Variants in TRPV6 observed in about 807,000 individuals in gnomAD.
The protein encoded by TRPV6 is Alu-binding protein with zinc finger domain.
A neutral mutation model predicts 79.0 loss-of-function variants in TRPV6; 39 were observed. That is an observed-to-expected ratio of 0.49 (90% CI 0.38 to 0.64). TRPV6 has a LOEUF of 0.64. Among genes scored for constraint, TRPV6 ranks in the 30% least tolerant of loss-of-function variants. The probability of loss-of-function intolerance (pLI) is 0.00; values close to 1 mark genes in which losing one functional copy is unlikely to be tolerated. For synonymous variants in TRPV6, 373 were observed against 391.9 expected (o/e 0.95, Z 0.57); for missense variants, 813 against 1,011.1 (o/e 0.80, Z 2.66).
chr7:142,872,075 C>T, intron 14 of TRPV6, 86 bp from the exon 15 acceptor site: 1 of 1,487,630 alleles, frequency 6.7e-7, no homozygotes, highest in Non-Finnish European at 9.0e-7. Context: ...CCCTGGTCCT[C>T]CCATCCCCGC....
In TRPV6 at chr7:142,873,309, C is replaced by T. The variant is rs1159523692; in HGVS notation, c.1908+139G>A. The T allele has an allele frequency of 1.7e-6, 2 of 1,200,096 alleles. No individual in the cohort carries two copies. The highest frequency in any genetic ancestry group is 1.2e-6 in the Non-Finnish European group (1 of 844,500). 74.3% of individuals were successfully genotyped at this position (1,200,096 alleles called of 1,614,324 possible). A position where few individuals can be genotyped will look rare whatever the true frequency, so the allele number is the denominator to read the frequency against. On this transcript the variant is annotated intron_variant, in intron 13 of 14. Coordinates refer to ENST00000359396, the MANE Select transcript of TRPV6 (RefSeq NM_018646.6). This position sits in a 1 kb window ranked among gnomAD's most constrained non-coding sequence, Gnocchi z 4.8. ...TGAATTGCTAATCAGTGCTTCTGTA[C>T]ATTTTGCATGATTTTGCTAGCTTTG... is the stretch of plus-strand genomic sequence containing the variant.
In TRPV6 at chr7:142,875,818, G is replaced by C. The variant is rs147743048; in HGVS notation, c.969C>G (p.Ile323Met). Residue 323 changes from isoleucine (I) to methionine (M), a missense_variant, in exon 7 of 15, where the codon ATC (isoleucine) becomes ATG (methionine). This residue lies in a region of TRPV6 where 555 missense variants were observed against 631.0 expected (regional missense o/e 0.88). Transcript: ENST00000359396. ...GGGACTGCTCATCCCCTGAGGAGTC[G>C]ATCTCTGTGAGGTCATAGAGAGTCG... 9 of 1,612,128 alleles carry C rather than the reference G, an allele frequency of 5.6e-6. No homozygotes were observed. In the South Asian group the frequency reaches 7.7e-5, roughly 14 times the overall value.
At position 142,873,078 on chromosome 7, in the gene TRPV6, C is replaced by T. The variant is rs1309080535; in HGVS notation, c.1908+370G>A. Among the ~76,000 whole-genome samples, 1 of 152,166 alleles carries T rather than the reference C, an allele frequency of 6.6e-6. No individual in the cohort carries two copies. The highest frequency in any genetic ancestry group is 2.4e-5 in the African/African-American group (1 of 41,420). On this transcript the variant is annotated intron_variant, in intron 13 of 14. Transcript: ENST00000359396. The surrounding 1 kb of genome is among the most constrained non-coding windows in gnomAD (Gnocchi z 4.8). Reference sequence around the variant, plus strand: ...TTACTTTTTTAACACATCCTGCTTTCCATATCAAATTTTGCAGACTTAAAT... The same window carrying T: ...TTACTTTTTTAACACATCCTGCTTTTCATATCAAATTTTGCAGACTTAAAT...
chr7:142,878,348 A>C, intron 1 of TRPV6: 1 of 386,654 alleles, frequency 2.6e-6, no homozygotes, highest in Non-Finnish European at 4.9e-6. Context: ...GAGGAGTTCT[A>C]TGTAGACATG....
chr7:142,874,751 A>T, intron 10 of TRPV6, 95 bp from the exon 11 acceptor site: 2 of 1,558,356 alleles, frequency 1.3e-6, no homozygotes, highest in Non-Finnish European at 1.8e-6. Context: ...CCACACATGC[A>T]GATTCAGCCT....
At position 142,875,787 on chromosome 7, in the gene TRPV6, C is replaced by G. The variant is rs766425200; in HGVS notation, c.1000G>C (p.Glu334Gln). ...CGCTTCTTGGTGGTGATGATAAGTT[C>G]CAGCAGGGACTGCTCATCCCCTGAG... is the stretch of plus-strand genomic sequence containing the variant. The change falls in exon 7 of 15, where the codon GAA (glutamate) becomes CAA (glutamine). Residue 334 changes from glutamate (E) to glutamine (Q), a missense_variant. Glu to Gln is a conservative substitution (Grantham distance 29). Coordinates refer to ENST00000359396, the MANE Select transcript of TRPV6 (RefSeq NM_018646.6). 6.2e-7 allele frequency: 1 copy of G among 1,609,142 alleles called. No individual in the cohort carries two copies. The highest frequency in any genetic ancestry group is 8.5e-7 in the Non-Finnish European group (1 of 1,177,326).
At position 142,877,944 on chromosome 7, in the gene TRPV6, T is replaced by C. The variant is rs1431575800; in HGVS notation, c.331A>G (p.Lys111Glu). 2 of 1,614,202 alleles carry C rather than the reference T, an allele frequency of 1.2e-6. No individual in the cohort carries two copies. The highest frequency in any genetic ancestry group is 2.2e-5 in the South Asian group (2 of 91,084). ...TGCTTCTTACCTCTCTGGTGCACCT[T>C]GCAATCCTCATACTTGAGCAACTTG... Residue 111 changes from lysine (K) to glutamate (E), a missense_variant, in exon 2 of 15, where the codon AAG becomes GAG. By Grantham distance (56) the Lys-to-Glu change is moderately conservative (BLOSUM62 1). Around this residue, in one of 3 missense-constraint regions of TRPV6, gnomAD observed 555 missense variants for 631.0 expected, o/e 0.88. Transcript: ENST00000359396.
At chr7:142,876,386 A>G (rs772027450) in intron 6 of TRPV6, 22 bp downstream of exon 6, 2 of 1,608,682 alleles carry the variant, frequency 1.2e-6, no homozygotes, top group South Asian at 2.2e-5. Flanking sequence ...AAGACACCTC[A>G]GGGATGGGGA....
In TRPV6 at chr7:142,873,652, C is replaced by T. The variant is rs200574023; in HGVS notation, c.1704G>A (p.Met568Ile). 6 of 1,614,174 alleles carry T rather than the reference C, an allele frequency of 3.7e-6. No individual in the cohort carries two copies. The African/African-American group carries it at 5.3e-5, about 14-fold the overall frequency. ...ACAGCTCGAAGGTGCTGAACAGGGC[C>T]ATGGGGTAGTCGTAGAAGTGGCCTA... The change falls in exon 13 of 15, where the codon ATG (methionine) becomes ATA (isoleucine). Residue 568 changes from methionine (M) to isoleucine (I), a missense_variant. Around this residue, in one of 3 missense-constraint regions of TRPV6, gnomAD observed 94 missense variants for 194.0 expected, o/e 0.48. Coordinates refer to ENST00000359396, the MANE Select transcript of TRPV6 (RefSeq NM_018646.6). This position sits in a 1 kb window ranked among gnomAD's most constrained non-coding sequence, Gnocchi z 4.8.
intron 1 of TRPV6, 123 bp downstream of exon 1, chr7:142,885,266 G>A (rs564629290): frequency 2.3e-4 from 287 of 1,221,374 alleles, no homozygotes; most frequent in Admixed American, 1.1e-3. Flanking sequence ...GAGCCAGTCC[G>A]GGCCTGGGAG....
chr7:142,871,965 G>A lies in TRPV6; in HGVS notation c.2040C>T (p.Asn680=). Residue 680 remains asparagine, a synonymous_variant, in exon 15 of 15, where the codon AAC becomes AAT. Coordinates refer to ENST00000359396, the MANE Select transcript of TRPV6 (RefSeq NM_018646.6). ...GTGCGTAGCGTTGGATCCGCTGCCGGTTGAGATCTTGCCTGTCTTCCACCC... is the reference window on the plus strand; with the variant it reads ...GTGCGTAGCGTTGGATCCGCTGCCGATTGAGATCTTGCCTGTCTTCCACCC... 1 of 1,603,950 alleles carries A rather than the reference G, an allele frequency of 6.2e-7. No homozygotes were observed. The highest frequency in any genetic ancestry group is 8.5e-7 in the Non-Finnish European group (1 of 1,174,030).
At chr7:142,877,554 A>G in intron 3 of TRPV6, 97 bp downstream of exon 3, 4 of 1,537,622 alleles carry the variant, frequency 2.6e-6, no homozygotes, top group Non-Finnish European at 3.5e-6. Flanking sequence ...GGAGGCTCAG[A>G]TCCCCTGTGT....
At chr7:142,882,254 A>T (rs1308966714) in intron 1 of TRPV6, 1 of 152,250 alleles carries the variant, frequency 6.6e-6, no homozygotes, top group African/African-American at 2.4e-5. Flanking sequence ...GGGGAAGTTC[A>T]TGGCCCCTCT....
Position 142,873,448 on chromosome 7 carries a change from C to G in TRPV6, c.1908G>C (p.Gln636His). 6.2e-7 allele frequency: 1 copy of G among 1,613,762 alleles called. No individual in the cohort carries two copies. Among genetic ancestry groups the G allele is most frequent in the South Asian group, 1.1e-5 (1 of 91,074 alleles). Residue 636 changes from glutamine (Q) to histidine (H), a missense_variant and splice_region_variant, in exon 13 of 15, where the codon CAG becomes CAC. By Grantham distance (24) the Gln-to-His change is conservative. Around this residue, in one of 3 missense-constraint regions of TRPV6, gnomAD observed 164 missense variants for 186.1 expected, o/e 0.88. Transcript: ENST00000359396. The surrounding 1 kb of genome is among the most constrained non-coding windows in gnomAD (Gnocchi z 4.8). ...CCCTCCCTGCCACCAGGGGGCTCAC[C>G]TGGGCCCTCCACAGCTCATCCCGCT...
At chr7:142,885,246 T>C in intron 1 of TRPV6, 143 bp downstream of exon 1, 1 of 949,060 alleles carries the variant, frequency 1.1e-6, no homozygotes, top group Non-Finnish European at 1.5e-6. Flanking sequence ...TAAGACAGAA[T>C]GCTCCCAAGG....
At chr7:142,878,632 T>G (rs754849132) in intron 1 of TRPV6, 1 of 153,860 alleles carries the variant, frequency 6.5e-6, no homozygotes, top group Non-Finnish European at 1.4e-5. Flanking sequence ...AAAAGAACAG[T>G]GGACCATAAG....
chr7:142,874,636 A>G lies in TRPV6; in HGVS notation c.1427T>C (p.Val476Ala). 6.2e-7 allele frequency: 1 copy of G among 1,613,994 alleles called. No homozygotes were observed. The highest frequency in any genetic ancestry group is 8.5e-7 in the Non-Finnish European group (1 of 1,179,944). Residue 476 changes from valine to alanine, a missense_variant, in exon 11 of 15, where the codon GTG (valine) becomes GCG (alanine). Physicochemically the swap from Val to Ala is moderately conservative, Grantham distance 64. Transcript: ENST00000359396. ...GAGCCGCATCACCATGGTCACCAGC[A>G]CCATGAAGGCATAGGTGATGCTGGG... is the stretch of plus-strand genomic sequence containing the variant.
In TRPV6 at chr7:142,875,495, G is replaced by A. The variant is rs1485430051; in HGVS notation, c.1215C>T (p.Asn405=). 6.3e-7 allele frequency: 1 copy of A among 1,596,554 alleles called. No homozygotes were observed. The highest frequency in any genetic ancestry group is 1.7e-5 in the Admixed American group (1 of 59,190). Residue 405 remains asparagine (N), a synonymous_variant, in exon 8 of 15, where the codon AAC becomes AAT. Transcript: ENST00000359396. The stretch of plus-strand genomic sequence containing the variant: ...GAAGTAGCTTCTGCTGTAAGAGGGT[G>A]TTGTCCCGGGGGCTCGTGCGGTTAT...
In TRPV6 at chr7:142,874,961, A is replaced by AT; in HGVS notation, c.1348dup (p.Met450AsnfsTer179). ...CTGTCCAAAGAAGCGAGTGACCCCCATTCTGAAGATGTCTGGAACCTGAAG... is the reference window on the plus strand; with the variant it reads ...CTGTCCAAAGAAGCGAGTGACCCCCATTTCTGAAGATGTCTGGAACCTGAAG... On this transcript the variant is annotated frameshift_variant, in exon 10 of 15. Coordinates refer to ENST00000359396, the MANE Select transcript of TRPV6 (RefSeq NM_018646.6). LOFTEE classifies it high-confidence loss of function. The AT allele has an allele frequency of 6.2e-7, 1 of 1,614,126 alleles. No individual in the cohort carries two copies. The highest frequency in any genetic ancestry group is 8.5e-7 in the Non-Finnish European group (1 of 1,180,026).
Sources: allele counts gnomAD v4.1 joint callset (sites outside exome capture counted in the v4.1 genomes callset), GRCh38; gene constraint gnomAD v4.1.1; regional missense constraint gnomAD v4.1.1; non-coding constraint Gnocchi (gnomAD v3.1); transcripts MANE v1.5; gene names NCBI Gene and HGNC (gene_info 2026-07-23, HGNC 2026-07-21).